NRXN3: variants seen among roughly 807,000 people sequenced by gnomAD.
NRXN3 encodes the protein neurexin III.
Under a neutral mutation model 137.6 loss-of-function variants are expected in NRXN3, and 32 were observed. The observed-to-expected ratio is 0.23, with a 90% CI of 0.18 to 0.31. The LOEUF (loss-of-function observed/expected upper bound fraction) is 0.31. Among genes scored for constraint, NRXN3 ranks in the 10% least tolerant of loss-of-function variants. The pLI, the probability that NRXN3 is intolerant of heterozygous loss-of-function variation, is 1.00. For synonymous variants in NRXN3, 798 were observed against 784.5 expected (o/e 1.02, Z -0.29); for missense variants, 1,574 against 2,062.5 (o/e 0.76, Z 4.59).
intron 16 of NRXN3, among the ~76,000 whole-genome samples, chr14:79,576,313 C>T (rs1376502904): frequency 6.6e-6 from 1 of 152,042 alleles, no homozygotes; most frequent in East Asian, 1.9e-4. Context: ...CAGTTACTTA[C>T]CTTCTTATGC....
At chr14:79,744,674 A>G (rs957922155) in intron 19 of NRXN3, among the ~76,000 whole-genome samples, 6 of 152,356 alleles carry the variant, frequency 3.9e-5, no homozygotes, top group Middle Eastern at 3.4e-3. Flanking sequence ...CCCTTTCTCC[A>G]TAAACACAGC....
intron 10 of NRXN3, among the ~76,000 whole-genome samples, chr14:78,937,195 A>AG (rs1349363065): frequency 2.6e-5 from 4 of 151,870 alleles, no homozygotes; most frequent in Non-Finnish European, 2.9e-5. Context: ...GAAAAAAAAA[A>AG]AAAAAAAGAA....
chr14:78,998,361 A>G (rs1331145929), intron 15 of NRXN3, among the ~76,000 whole-genome samples: 1 of 152,178 alleles, frequency 6.6e-6, no homozygotes, highest in African/African-American at 2.4e-5. Flanking sequence ...GGGTTTTCTG[A>G]GGCTTTACAT....
chr14:78,264,157 A>G (rs1286980677), intron 2 of NRXN3, among the ~76,000 whole-genome samples: 4 of 152,178 alleles, frequency 2.6e-5, no homozygotes, highest in African/African-American at 9.6e-5. Context: ...TGGGCAGCAG[A>G]TATCTGTTGG....
At chr14:79,718,016 C>T (rs2098829440) in intron 19 of NRXN3, among the ~76,000 whole-genome samples, 1 of 152,110 alleles carries the variant, frequency 6.6e-6, no homozygotes, top group African/African-American at 2.4e-5. Context: ...ATGGAACATA[C>T]ATTCTGGGAG....
chr14:79,339,478 C>G (rs1566845771), intron 15 of NRXN3, among the ~76,000 whole-genome samples: 1 of 152,224 alleles, frequency 6.6e-6, no homozygotes, highest in Non-Finnish European at 1.5e-5. Flanking sequence ...CAAGGAACCA[C>G]ACTTAGAGAA....
At position 79,242,172 on chromosome 14, in the gene NRXN3, G is replaced by A. The variant is rs369374261; in HGVS notation, c.3263-225049G>A. On this transcript the variant is annotated intron_variant, in intron 15 of 20. Coordinates refer to ENST00000335750, the MANE Select transcript of NRXN3 (RefSeq NM_001330195.2). ...ACAAGACTCATAAAAGTCATGTAACGTGTATAAGGTAACACAGCCAGTGAT... is the reference window on the plus strand; with the variant it reads ...ACAAGACTCATAAAAGTCATGTAACATGTATAAGGTAACACAGCCAGTGAT... Among the ~76,000 whole-genome samples the A allele has an allele frequency of 9.2e-5, 14 of 152,226 alleles. No homozygotes were observed. In the South Asian group the frequency reaches 1.7e-3, roughly 18 times the overall value.
intron 10 of NRXN3, among the ~76,000 whole-genome samples, chr14:78,856,258 AT>A (rs1315186399): frequency 6.6e-6 from 1 of 152,196 alleles, no homozygotes; most frequent in Non-Finnish European, 1.5e-5. Context: ...GATAACAAGA[AT>A]GGGGGCTCCT....
In NRXN3 at chr14:78,853,364, A is replaced by T. The variant is rs532812574; in HGVS notation, c.2275+43020A>T. On this transcript the variant is annotated intron_variant, in intron 10 of 20. Coordinates refer to ENST00000335750, the MANE Select transcript of NRXN3 (RefSeq NM_001330195.2). ...TAGTTTACTGAGAATGATATCATAC[A>T]TTCTTTATTCATTCATCTGTTGATG... Among the ~76,000 whole-genome samples, 5 of 152,242 alleles carry T rather than the reference A, an allele frequency of 3.3e-5. No homozygotes were observed. The South Asian group carries it at 8.3e-4, about 25-fold the overall frequency.
chr14:79,211,098 A>C (rs1356608646), intron 15 of NRXN3, among the ~76,000 whole-genome samples: 1 of 152,152 alleles, frequency 6.6e-6, no homozygotes, highest in African/African-American at 2.4e-5. Flanking sequence ...TGCAGTTGTC[A>C]ATGGTCCAGG....
intron 4 of NRXN3, among the ~76,000 whole-genome samples, chr14:78,530,913 A>C (rs972906624): frequency 6.6e-6 from 1 of 152,082 alleles, no homozygotes; most frequent in African/African-American, 2.4e-5. Context: ...TCCCCTACTC[A>C]TTAGCTGTAT....
At chr14:79,730,202 GGCCACAGCATCCCACTTTGT>G (rs570320670) in intron 19 of NRXN3, among the ~76,000 whole-genome samples, 10 of 152,104 alleles carry the variant, frequency 6.6e-5, no homozygotes, top group South Asian at 4.1e-4. Context: ...CAAAAATCTA[GGCCACAGCATCCCACTTTGT>G]GCCACAGCAT....
chr14:79,853,701 G>GC, intron 20 of NRXN3: 1 of 1,240,618 alleles, frequency 8.1e-7, no homozygotes, highest in South Asian at 1.5e-5. Context: ...CCTTTCTTTA[G>GC]CATTGTTAAA....
intron 4 of NRXN3, among the ~76,000 whole-genome samples, chr14:78,482,587 A>G (rs922147758): frequency 6.6e-6 from 1 of 152,190 alleles, no homozygotes; most frequent in Admixed American, 6.5e-5. Context: ...ATTCAAGACT[A>G]TCATATTCTT....
At chr14:78,443,541 G>A (rs776797151) in intron 4 of NRXN3, among the ~76,000 whole-genome samples, 13 of 152,156 alleles carry the variant, frequency 8.5e-5, no homozygotes, top group Admixed American at 3.3e-4. Context: ...AAGAGTTACA[G>A]TGAGTGACTC....
chr14:78,666,111 T>TA (rs1207436473), intron 6 of NRXN3, among the ~76,000 whole-genome samples: 2 of 152,124 alleles, frequency 1.3e-5, no homozygotes, highest in Non-Finnish European at 2.9e-5. Flanking sequence ...AAAATTGTGG[T>TA]AAAAAAACAC....
intron 15 of NRXN3, among the ~76,000 whole-genome samples, chr14:79,051,220 T>TG (rs2099641420): frequency 7.7e-6 from 1 of 129,348 alleles, no homozygotes; most frequent in South Asian, 2.3e-4. Flanking sequence ...TCGTTTCCTC[T>TG]GAAAAAAAAA....
intron 16 of NRXN3, among the ~76,000 whole-genome samples, chr14:79,622,891 C>T (rs891440009): frequency 7.2e-5 from 11 of 152,244 alleles, no homozygotes; most frequent in South Asian, 4.1e-4. Flanking sequence ...CCACCGCACC[C>T]GGCCTATTAC....
chr14:78,822,653 T>C (rs1239638531), intron 10 of NRXN3, among the ~76,000 whole-genome samples: 1 of 143,182 alleles, frequency 7.0e-6, no homozygotes, highest in Admixed American at 7.2e-5. Context: ...CCAGCCTGGG[T>C]AACAGAGCAA....
Sources: gnomAD v4.1 joint callset for allele counts (sites outside exome capture counted in the v4.1 genomes callset) on GRCh38, gnomAD v4.1.1 for gene constraint, MANE v1.5 for transcripts, NCBI Gene and HGNC (gene_info 2026-07-23, HGNC 2026-07-21) for gene names.